Variants in KIAA0586 observed in about 807,000 individuals in gnomAD.
KIAA0586 encodes the protein KIAA0586, also known as protein TALPID3.
In KIAA0586, 144 loss-of-function variants were observed where a neutral mutation model predicts 169.8. The ratio of observed to expected loss-of-function variants is 0.85; its 90% CI spans 0.74 to 0.97. KIAA0586 has a LOEUF of 0.97. Among genes scored for constraint, KIAA0586 ranks in the 50% least tolerant of loss-of-function variants. KIAA0586 has a pLI of 0.00. For missense variants in KIAA0586, 1,854 were observed against 1,823.0 expected (o/e 1.02, Z -0.31); for synonymous variants, 625 against 612.4 (o/e 1.02, Z -0.30).
chr14:58,450,895 G>T, intron 8 of KIAA0586, 149 bp downstream of exon 8: 1 of 515,166 alleles, frequency 1.9e-6, no homozygotes, highest in Non-Finnish European at 3.5e-6. Context: ...TAGATTCTTT[G>T]TAAAAGGGTT....
intron 4 of KIAA0586, chr14:58,441,137 G>A: frequency 4.7e-6 from 1 of 214,752 alleles, no homozygotes; most frequent in Non-Finnish European, 1.0e-5. Flanking sequence ...CAGTAAAGTG[G>A]GATAAAAAAT....
chr14:58,499,853 C>T (rs2043432438), intron 27 of KIAA0586, among the ~76,000 whole-genome samples: 1 of 152,172 alleles, frequency 6.6e-6, no homozygotes, highest in African/African-American at 2.4e-5. Flanking sequence ...GCCACCATGC[C>T]CAGCCGATGC....
chr14:58,445,623 A>G (rs969587424), intron 6 of KIAA0586, among the ~76,000 whole-genome samples: 5 of 150,998 alleles, frequency 3.3e-5, no homozygotes, highest in Non-Finnish European at 5.9e-5. Context: ...CAGTAGAGAC[A>G]GGGTTCTACC....
intron 20 of KIAA0586, among the ~76,000 whole-genome samples, chr14:58,481,505 G>T (rs2042027174): frequency 6.6e-6 from 1 of 152,074 alleles, no homozygotes; most frequent in African/African-American, 2.4e-5. Flanking sequence ...TATATTTAGT[G>T]CATTCTTTTG....
chr14:58,455,352 T>C (rs1179071910), intron 9 of KIAA0586, among the ~76,000 whole-genome samples: 2 of 152,232 alleles, frequency 1.3e-5, no homozygotes, highest in East Asian at 1.9e-4. Flanking sequence ...TTGACTGTGC[T>C]TTTTTCTGTG....
At chr14:58,430,288 T>C (rs535694245) in intron 2 of KIAA0586, among the ~76,000 whole-genome samples, 2 of 152,268 alleles carry the variant, frequency 1.3e-5, no homozygotes, top group East Asian at 3.9e-4. Context: ...GCCATCCTTA[T>C]CTACTCCATT....
At chr14:58,483,939 T>A (rs1030783211) in intron 21 of KIAA0586, among the ~76,000 whole-genome samples, 1 of 152,212 alleles carries the variant, frequency 6.6e-6, no homozygotes, top group Non-Finnish European at 1.5e-5. Context: ...ATCTGTAGTT[T>A]TGATCTGTGC....
chr14:58,455,399 T>C (rs961293424), intron 9 of KIAA0586, among the ~76,000 whole-genome samples: 1 of 152,238 alleles, frequency 6.6e-6, no homozygotes, highest in African/African-American at 2.4e-5. Flanking sequence ...GTATGTCTCA[T>C]AAATTTTTGT....
At chr14:58,428,711 T>A (rs1445342318) in intron 1 of KIAA0586, among the ~76,000 whole-genome samples, 2 of 151,260 alleles carry the variant, frequency 1.3e-5, no homozygotes, top group Non-Finnish European at 2.9e-5. Context: ...TTTTTTTTTT[T>A]ATATTTATGG....
At chr14:58,511,795 T>G (rs561809130) in intron 28 of KIAA0586, among the ~76,000 whole-genome samples, 9 of 152,282 alleles carry the variant, frequency 5.9e-5, no homozygotes, top group African/African-American at 2.2e-4. Flanking sequence ...ATGTTTTAGA[T>G]TCTTCTATGG....
At chr14:58,463,800 T>C (rs2040515243) in intron 14 of KIAA0586, among the ~76,000 whole-genome samples, 1 of 149,960 alleles carries the variant, frequency 6.7e-6, no homozygotes, top group Non-Finnish European at 1.5e-5. Context: ...CACTCCAGCC[T>C]GGGTAACTGA....
At chr14:58,489,831 A>G (rs1298936610) in intron 24 of KIAA0586, among the ~76,000 whole-genome samples, 1 of 151,998 alleles carries the variant, frequency 6.6e-6, no homozygotes, top group Admixed American at 6.6e-5. Context: ...CTTTGCTCTA[A>G]GTTCTAGAAA....
intron 14 of KIAA0586, chr14:58,463,981 G>A (rs1423336373): frequency 1.6e-5 from 7 of 450,518 alleles, no homozygotes; most frequent in Admixed American, 7.7e-5. Context: ...ACCTCACCTC[G>A]GTGGTGTAGA....
chr14:58,431,286 G>A (rs891105873), intron 3 of KIAA0586, among the ~76,000 whole-genome samples: 2 of 151,872 alleles, frequency 1.3e-5, no homozygotes, highest in African/African-American at 2.4e-5. Context: ...TTTTTGAGAC[G>A]GAGTCTCCCT....
In KIAA0586 at chr14:58,507,344, AATATCATATATAAT is replaced by A. The variant is rs879449070; in HGVS notation, c.4169-1198_4169-1185del. On this transcript the variant is annotated intron_variant, in intron 27 of 30. Coordinates refer to ENST00000652326, the MANE Select transcript of KIAA0586 (RefSeq NM_001329943.3). ...ATTTATATATGATATATAAATATAT[AATATCATATATAAT>A]ATATCATATATATGAATTATATATA... 5.4e-3 allele frequency among the ~76,000 whole-genome samples: 796 copies of A among 146,086 alleles called. 2 individuals are homozygous for A. Among genetic ancestry groups the A allele is most frequent in the Middle Eastern group, 0.025 (7 of 278 alleles).
intron 14 of KIAA0586, among the ~76,000 whole-genome samples, chr14:58,462,985 C>T (rs918415255): frequency 1.3e-5 from 2 of 152,126 alleles, no homozygotes; most frequent in Admixed American, 6.5e-5. Context: ...TCTCCCGTGA[C>T]GCATGGGGAT....
In KIAA0586 at chr14:58,447,478, GTTTTATTTTA is replaced by G; in HGVS notation, c.808-857_808-848del. Among the ~76,000 whole-genome samples the G allele has an allele frequency of 2.2e-5, 3 of 138,170 alleles. 1 individual carries two copies. The allele number at this position is 138,170 out of a possible 152,430, so 90.6% of individuals were successfully genotyped here. ...ATTTTATTTTATTTTATTTTATTTT[GTTTTATTTTA>G]TTTTGTTTTTGAGATAGAGTCCTGC... On this transcript the variant is annotated intron_variant, in intron 6 of 30. Coordinates refer to ENST00000652326, the MANE Select transcript of KIAA0586 (RefSeq NM_001329943.3).
Position 58,466,017 on chromosome 14 carries a change from G to A in KIAA0586, c.2242G>A (p.Ala748Thr). The change falls in exon 15 of 31, where the codon GCA (alanine) becomes ACA (threonine). Residue 748 changes from alanine to threonine, a missense_variant. Coordinates refer to ENST00000652326, the MANE Select transcript of KIAA0586 (RefSeq NM_001329943.3). ...GTLEGHLIPM[A>T]ILLGQTQSNS... ...ATTGGAAGGTCATCTGATTCCTATGGCAATTCTTTTAGGTAAGAATCAACA... is the reference window on the plus strand; with the variant it reads ...ATTGGAAGGTCATCTGATTCCTATGACAATTCTTTTAGGTAAGAATCAACA... The A allele has an allele frequency of 1.9e-6, 3 of 1,599,888 alleles. No individual in the cohort carries two copies. The highest frequency in any genetic ancestry group is 2.6e-6 in the Non-Finnish European group (3 of 1,173,710).
At chr14:58,560,697 C>T in the KIAA0586 span, among the ~76,000 whole-genome samples, 2 of 152,132 alleles carry the variant, frequency 1.3e-5, no homozygotes, top group East Asian at 3.8e-4. Context: ...CAGTGTTTTA[C>T]TTGGATCAAA....
Sources: gnomAD v4.1 joint callset for allele counts (sites outside exome capture counted in the v4.1 genomes callset) on GRCh38, gnomAD v4.1.1 for gene constraint, MANE v1.5 for transcripts, NCBI Gene and HGNC (gene_info 2026-07-23, HGNC 2026-07-21) for gene names.